Variants in RETREG3 observed in about 807,000 individuals in gnomAD.
RETREG3 encodes the protein reticulophagy regulator family member 3.
In RETREG3, 23 loss-of-function variants were observed where a neutral mutation model predicts 50.2. The ratio of observed to expected loss-of-function variants is 0.46; its 90% CI spans 0.33 to 0.65. The LOEUF (loss-of-function observed/expected upper bound fraction) is 0.65. Among genes scored for constraint, RETREG3 ranks in the 30% least tolerant of loss-of-function variants. The pLI, the probability that RETREG3 is intolerant of heterozygous loss-of-function variation, is 0.02. For synonymous variants in RETREG3, 240 were observed against 234.4 expected, an observed-to-expected ratio of 1.02 and a Z score of -0.22; for missense variants, 546 against 598.0, an observed-to-expected ratio of 0.91 and a Z score of 0.91.
chr17:42,593,960 G>A (rs2093138475), intron 1 of RETREG3, among the ~76,000 whole-genome samples: 1 of 152,146 alleles, frequency 6.6e-6, no homozygotes, highest in Admixed American at 6.5e-5. Context: ...GGAGGCTGAG[G>A]CAGGCAGACT....
chr17:42,583,370 C>G (rs2093114152), intron 7 of RETREG3, 128 bp downstream of exon 7: 1 of 718,054 alleles, frequency 1.4e-6, no homozygotes, highest in Non-Finnish European at 2.2e-6. Context: ...TCTCACTTCT[C>G]TCCTTGTCTT....
intron 1 of RETREG3, among the ~76,000 whole-genome samples, chr17:42,604,023 C>T (rs555534854): frequency 6.7e-6 from 1 of 149,338 alleles, no homozygotes; most frequent in South Asian, 2.1e-4. Flanking sequence ...TTTTTTTTAA[C>T]AGAACAAATA....
rs1483583495 is a variant in RETREG3, at chr17:42,581,703, C to T, written c.*110G>A. 2 of 1,039,934 alleles carry T rather than the reference C, an allele frequency of 1.9e-6. No individual in the cohort carries two copies. Among genetic ancestry groups the T allele is most frequent in the Non-Finnish European group, 2.7e-6 (2 of 738,042 alleles). 64.4% of individuals were successfully genotyped at this position (1,039,934 alleles called of 1,614,324 possible). On this transcript the variant is annotated 3_prime_UTR_variant, in exon 9 of 9. Coordinates refer to ENST00000309428, the MANE Select transcript of RETREG3 (RefSeq NM_178126.4). The stretch of plus-strand genomic sequence containing the variant: ...AGCATCAGCCAGGCCACCCAGCATA[C>T]AAATATAATTCAGGGGAGGGGAGCT...
At chr17:42,585,924 T>C in intron 5 of RETREG3, 129 bp downstream of exon 5, 4 of 835,214 alleles carry the variant, frequency 4.8e-6, no homozygotes, top group South Asian at 1.6e-5. Context: ...AAACAGGTCA[T>C]GAAAATATGC....
intron 2 of RETREG3, among the ~76,000 whole-genome samples, chr17:42,591,475 A>T (rs1156360550): frequency 6.6e-6 from 1 of 151,768 alleles, no homozygotes; most frequent in African/African-American, 2.4e-5. Context: ...TTAGTGGCTG[A>T]GATTACAGGT....
chr17:42,603,948 G>A (rs2093162973), intron 1 of RETREG3, among the ~76,000 whole-genome samples: 1 of 151,514 alleles, frequency 6.6e-6, no homozygotes, highest in Non-Finnish European at 1.5e-5. Flanking sequence ...CTGTACTCCA[G>A]CCTGGGCGAC....
At chr17:42,597,545 C>A (rs1308300053) in intron 1 of RETREG3, among the ~76,000 whole-genome samples, 2 of 87,666 alleles carry the variant, frequency 2.3e-5, no homozygotes, top group African/African-American at 4.6e-5. Flanking sequence ...ATATATATTT[C>A]GTATATATAT....
rs550364019 is a variant in RETREG3, at chr17:42,585,738, T to C, written c.589+315A>G. ...CTAGCAGAGAAACCCCTAAGAGTTA[T>C]GTTCTGCTGACAATACCCTGGCTCT... On this transcript the variant is annotated intron_variant, in intron 5 of 8. Coordinates refer to ENST00000309428, the MANE Select transcript of RETREG3 (RefSeq NM_178126.4). Among the ~76,000 whole-genome samples the C allele has an allele frequency of 6.6e-5, 10 of 152,324 alleles. No individual in the cohort carries two copies. The East Asian group carries it at 1.9e-3, about 29-fold the overall frequency.
At chr17:42,607,077 C>G (rs1474870333) in intron 1 of RETREG3, among the ~76,000 whole-genome samples, 1 of 152,054 alleles carries the variant, frequency 6.6e-6, no homozygotes, top group African/African-American at 2.4e-5. Context: ...TTAATGAGGC[C>G]CAGCCTTCTT....
chr17:42,591,261 G>C (rs1307574968), intron 2 of RETREG3, among the ~76,000 whole-genome samples: 1 of 151,818 alleles, frequency 6.6e-6, no homozygotes. Context: ...CTGTGGTGCT[G>C]GTCTATAATT....
intron 1 of RETREG3, among the ~76,000 whole-genome samples, chr17:42,604,084 T>C (rs1365107090): frequency 6.6e-6 from 1 of 152,196 alleles, no homozygotes; most frequent in Non-Finnish European, 1.5e-5. Flanking sequence ...CTATTATTTT[T>C]TACTCAAATC....
intron 1 of RETREG3, among the ~76,000 whole-genome samples, chr17:42,607,600 T>C (rs1055956001): frequency 4.1e-5 from 6 of 147,280 alleles, no homozygotes; most frequent in Admixed American, 2.0e-4. Context: ...ACCTCGGGAG[T>C]TCGAGACCAG....
intron 1 of RETREG3, among the ~76,000 whole-genome samples, chr17:42,607,622 T>C (rs1164013989): frequency 2.7e-5 from 4 of 148,516 alleles, no homozygotes; most frequent in Admixed American, 2.0e-4. Flanking sequence ...CTGACCAACA[T>C]GGAGAAACCC....
intron 1 of RETREG3, chr17:42,596,399 A>G (rs1164686010): frequency 8.8e-6 from 1 of 114,192 alleles, no homozygotes; most frequent in African/African-American, 3.3e-5. Flanking sequence ...AAAAAAAAAA[A>G]GAAATAAAAA....
intron 8 of RETREG3, among the ~76,000 whole-genome samples, 175 bp from the exon 9 acceptor site, chr17:42,582,445 CTCTTCT>C (rs1305721240): frequency 6.6e-6 from 1 of 152,240 alleles, no homozygotes; most frequent in Admixed American, 6.5e-5. Flanking sequence ...AATTCCCCCT[CTCTTCT>C]ATGTCCCCTG....
At position 42,587,854 on chromosome 17, in the gene RETREG3, G is replaced by C. The variant is rs201827249; in HGVS notation, c.357C>G (p.Pro119=). The change falls in exon 3 of 9, where the codon CCC becomes CCG. Residue 119 remains proline, a synonymous_variant. Coordinates refer to ENST00000309428, the MANE Select transcript of RETREG3 (RefSeq NM_178126.4). The part of the protein sequence containing the change: ...KIWPEIKVPR[P]DALDNESWGF... Reference sequence around the variant, plus strand: ...CATACCTCTCATTGTCTAATGCGTCGGGTCTTGGCACTACAATATTAAAAC... The same window carrying C: ...CATACCTCTCATTGTCTAATGCGTCCGGTCTTGGCACTACAATATTAAAAC... The C allele has an allele frequency of 9.9e-6, 16 of 1,614,002 alleles. No individual in the cohort carries two copies. The Admixed American group carries it at 2.3e-4, about 24-fold the overall frequency.
In RETREG3 at chr17:42,582,074, C is replaced by T. The variant is rs148256422; in HGVS notation, c.1140G>A (p.Pro380=). The T allele has an allele frequency of 3.4e-5, 55 of 1,614,022 alleles. No individual in the cohort carries two copies. The highest frequency in any genetic ancestry group is 1.1e-4 in the South Asian group (10 of 91,076). ...CAGGAAGAGCACCAAGCAGGAGCTCCGGCAGCGCAGCCTCGTCCCGGCTGG... is the reference window on the plus strand; with the variant it reads ...CAGGAAGAGCACCAAGCAGGAGCTCTGGCAGCGCAGCCTCGTCCCGGCTGG... ...PPASRDEAAL[P]ELLLGALPVG... The change falls in exon 9 of 9, where the codon CCG becomes CCA. Residue 380 remains proline, a synonymous_variant. Coordinates refer to ENST00000309428, the MANE Select transcript of RETREG3 (RefSeq NM_178126.4).
intron 1 of RETREG3, among the ~76,000 whole-genome samples, chr17:42,597,593 A>G (rs1249681224): frequency 0.041 from 252 of 6,090 alleles, 5 homozygotes; most frequent in African/African-American, 0.08. Context: ...ATATATATAT[A>G]TATATATATA....
At position 42,592,047 on chromosome 17, in the gene RETREG3, C is replaced by G. The variant is rs748026576; in HGVS notation, c.346+9G>C. On this transcript the variant is annotated intron_variant, in intron 2 of 8. Coordinates refer to ENST00000309428, the MANE Select transcript of RETREG3 (RefSeq NM_178126.4). The stretch of plus-strand genomic sequence containing the variant: ...CAGTTCAGATTGTTCTAAATGCTAC[C>G]AAACTCACCTTTTATTTCAGGCCAG... 1 of 1,608,274 alleles carries G rather than the reference C, an allele frequency of 6.2e-7. No individual in the cohort carries two copies. The highest frequency in any genetic ancestry group is 1.1e-5 in the South Asian group (1 of 90,246).
Sources: allele counts gnomAD v4.1 joint callset (sites outside exome capture counted in the v4.1 genomes callset), GRCh38; gene constraint gnomAD v4.1.1; transcripts MANE v1.5; gene names NCBI Gene and HGNC (gene_info 2026-07-23, HGNC 2026-07-21).